The following PRKCH variants were observed in gnomAD, a reference collection of about 807,000 sequenced individuals.
PRKCH encodes the protein protein kinase C eta type.
In PRKCH, 28 loss-of-function variants were observed where a neutral mutation model predicts 82.5. That is an observed-to-expected ratio of 0.34 (90% confidence interval 0.25 to 0.47). The LOEUF is 0.47. Ranked by LOEUF, PRKCH falls within the 20% of genes least tolerant of loss-of-function variation. The probability of loss-of-function intolerance (pLI) is 1.00; values close to 1 mark genes in which losing one functional copy is unlikely to be tolerated. For missense variants in PRKCH, 705 were observed against 881.8 expected, an observed-to-expected ratio of 0.80 and a Z score of 2.54; for synonymous variants, 322 against 327.4, an observed-to-expected ratio of 0.98 and a Z score of 0.18.
chr14:61,237,306 A>G (rs2044798588), intron 1 of PRKCH, among the ~76,000 whole-genome samples: 1 of 152,148 alleles, frequency 6.6e-6, no homozygotes, highest in Non-Finnish European at 1.5e-5. Context: ...CATGACAGAT[A>G]GCAGGCCCTA....
At chr14:61,242,142 A>G (rs551630351) in intron 1 of PRKCH, among the ~76,000 whole-genome samples, 1 of 152,308 alleles carries the variant, frequency 6.6e-6, no homozygotes, top group African/African-American at 2.4e-5. Context: ...ACTTTACTGA[A>G]AGAGTCTAGA....
chr14:61,192,764 G>C (rs772254601), intron 1 of PRKCH, among the ~76,000 whole-genome samples: 7 of 152,194 alleles, frequency 4.6e-5, no homozygotes, highest in Non-Finnish European at 1.0e-4. Flanking sequence ...GTTGATAAGG[G>C]TAACAATGGG....
In PRKCH at chr14:61,188,598, G is replaced by GTGTGTC. The variant is rs1212950113; in HGVS notation, c.-19+930_-19+931insTGTGTC. Among the ~76,000 whole-genome samples the GTGTGTC allele has an allele frequency of 3.2e-4, 23 of 71,804 alleles. 2 individuals carry two copies. The highest frequency in any genetic ancestry group is 6.4e-4 in the Non-Finnish European group (21 of 32,982). The allele number at this position is 71,804 out of a possible 152,430, so 47.1% of individuals were successfully genotyped here. A position where few individuals can be genotyped will look rare whatever the true frequency, so the allele number is the denominator to read the frequency against. ...TAGTGTGTGTGTGTGTCGGGGGGGT[G>GTGTGTC]GGGGGGTGGTGTGGTGTGTGTGTGT... On this transcript the variant is annotated intron_variant, in intron 1 of 3. Coordinates refer to the PRKCH transcript ENST00000555185.
At chr14:61,452,860 A>G in intron 6 of PRKCH, 1 of 241,026 alleles carries the variant, frequency 4.1e-6, no homozygotes, top group Non-Finnish European at 8.2e-6. Flanking sequence ...AGTTGACATG[A>G]TTCTTTGTTA....
At chr14:61,366,587 G>A (rs2046299418) in intron 1 of PRKCH, among the ~76,000 whole-genome samples, 1 of 152,050 alleles carries the variant, frequency 6.6e-6, no homozygotes, top group Non-Finnish European at 1.5e-5. Flanking sequence ...TAGTCTCAGA[G>A]TTCACAGGTT....
chr14:61,548,106 C>T (rs1007487403), intron 13 of PRKCH, among the ~76,000 whole-genome samples: 54 of 152,338 alleles, frequency 3.5e-4, no homozygotes, highest in African/African-American at 1.3e-3. Flanking sequence ...TTTCACCCCT[C>T]GTTTACCCAA....
At position 61,352,907 on chromosome 14, in the gene PRKCH, T is replaced by A. The variant is rs959954194; in HGVS notation, c.363+30443T>A. Among the ~76,000 whole-genome samples, 3 of 152,194 alleles carry A rather than the reference T, an allele frequency of 2.0e-5. No homozygotes were observed. In the East Asian group the frequency reaches 5.8e-4, roughly 29 times the overall value. The stretch of plus-strand genomic sequence containing the variant: ...TTCTGAATTCAGGATTTTTTCAGTT[T>A]TACATAGGACAATGTATTAAATACA... On this transcript the variant is annotated intron_variant, in intron 1 of 13. Transcript: ENST00000332981.
intron 1 of PRKCH, among the ~76,000 whole-genome samples, chr14:61,355,813 G>C (rs970444054): frequency 1.3e-5 from 2 of 152,072 alleles, no homozygotes; most frequent in African/African-American, 4.8e-5. Flanking sequence ...ATTCTAGCCA[G>C]TCTGGAAGAT....
At chr14:61,287,531 C>T (rs1231716594) in intron 1 of PRKCH, among the ~76,000 whole-genome samples, 1 of 151,854 alleles carries the variant, frequency 6.6e-6, no homozygotes. Flanking sequence ...GCCAACATAG[C>T]GAGACTCCAT....
At chr14:61,384,603 G>A (rs1342082242) in intron 1 of PRKCH, among the ~76,000 whole-genome samples, 1 of 152,018 alleles carries the variant, frequency 6.6e-6, no homozygotes, top group African/African-American at 2.4e-5. Flanking sequence ...GTTCAGATGG[G>A]GAGGTATAGT....
intron 10 of PRKCH, among the ~76,000 whole-genome samples, chr14:61,509,633 C>A (rs564072286): frequency 6.6e-6 from 1 of 152,190 alleles, no homozygotes; most frequent in Non-Finnish European, 1.5e-5. Context: ...GCCTGTAATC[C>A]CAGTACTTTG....
At chr14:61,198,019 T>C (rs1566777332) in intron 1 of PRKCH, among the ~76,000 whole-genome samples, 1 of 152,218 alleles carries the variant, frequency 6.6e-6, no homozygotes, top group Non-Finnish European at 1.5e-5. Flanking sequence ...AAAGTAATTG[T>C]TTTGTTTGTA....
chr14:61,440,654 T>G (rs967107133), intron 2 of PRKCH, among the ~76,000 whole-genome samples: 8 of 152,152 alleles, frequency 5.3e-5, no homozygotes, highest in Non-Finnish European at 1.0e-4. Context: ...GGCGGGTGGA[T>G]CACAAGGTCA....
At chr14:61,331,936 G>T (rs545710875) in intron 1 of PRKCH, among the ~76,000 whole-genome samples, 4 of 152,176 alleles carry the variant, frequency 2.6e-5, no homozygotes, top group Non-Finnish European at 5.9e-5. Context: ...AGTGATGTTG[G>T]TATTATTTTC....
upstream of PRKCH, among the ~76,000 whole-genome samples, chr14:61,316,844 C>T (rs1358541713): frequency 1.3e-5 from 2 of 152,126 alleles, no homozygotes; most frequent in Non-Finnish European, 1.5e-5. Flanking sequence ...GAAGTTGGGG[C>T]TGTTGATGAC....
intron 1 of PRKCH, chr14:61,277,566 T>C (rs1247331902): frequency 6.6e-6 from 1 of 152,242 alleles, no homozygotes; most frequent in South Asian, 2.1e-4. Context: ...ACAGGGATCA[T>C]TGCAGGAAAA....
chr14:61,320,565 C>A (rs538410986), upstream of PRKCH, among the ~76,000 whole-genome samples: 74 of 152,156 alleles, frequency 4.9e-4, no homozygotes, highest in African/African-American at 1.8e-3. Context: ...CGCCATTGCA[C>A]TCCAGCCTGG....
At chr14:61,394,426 C>T (rs1323718693) in intron 2 of PRKCH, among the ~76,000 whole-genome samples, 3 of 152,144 alleles carry the variant, frequency 2.0e-5, no homozygotes, top group Non-Finnish European at 4.4e-5. Flanking sequence ...GTTGATAAAA[C>T]ATTCTCATCA....
chr14:61,375,824 G>T (rs939162391), intron 1 of PRKCH, among the ~76,000 whole-genome samples: 5 of 151,998 alleles, frequency 3.3e-5, no homozygotes, highest in South Asian at 2.1e-4. Flanking sequence ...GATTTTATAA[G>T]AAGTGAGAGA....
Sources: allele counts gnomAD v4.1 joint callset (sites outside exome capture counted in the v4.1 genomes callset), GRCh38; gene constraint gnomAD v4.1.1; transcripts MANE v1.5; gene names NCBI Gene and HGNC (gene_info 2026-07-23, HGNC 2026-07-21).